CADM2: variants seen among roughly 807,000 people sequenced by gnomAD.
CADM2 encodes the protein immunoglobulin superfamily member 4D.
Under a neutral mutation model 49.8 loss-of-function variants are expected in CADM2, and 12 were observed. The ratio of observed to expected loss-of-function variants is 0.24; its 90% CI spans 0.15 to 0.39. The LOEUF (loss-of-function observed/expected upper bound fraction) is 0.39. CADM2 is among the 10% of genes least tolerant of loss of function. The probability of loss-of-function intolerance (pLI) is 1.00; values close to 1 mark genes in which losing one functional copy is unlikely to be tolerated. For synonymous variants in CADM2, 214 were observed against 175.4 expected, an observed-to-expected ratio of 1.22 and a Z score of -1.74; for missense variants, 378 against 492.3, an observed-to-expected ratio of 0.77 and a Z score of 2.20.
intron 8 of CADM2, among the ~76,000 whole-genome samples, chr3:86,003,386 T>C (rs1031891083): frequency 6.6e-6 from 1 of 152,166 alleles, no homozygotes. Context: ...TAACCCCATG[T>C]CTTCTGCCAG....
chr3:86,000,736 G>T (rs1042977465), intron 8 of CADM2, among the ~76,000 whole-genome samples: 1 of 152,016 alleles, frequency 6.6e-6, no homozygotes, highest in African/African-American at 2.4e-5. Context: ...ACCAATAAGG[G>T]TAGAATGCCG....
intron 1 of CADM2, among the ~76,000 whole-genome samples, chr3:85,430,530 T>C (rs773053962): frequency 8.3e-5 from 12 of 144,050 alleles, no homozygotes; most frequent in African/African-American, 1.3e-4. Flanking sequence ...AAAATAATAA[T>C]AATATTGGAA....
intron 1 of CADM2, among the ~76,000 whole-genome samples, chr3:85,440,236 T>G (rs2037136769): frequency 1.3e-5 from 2 of 152,142 alleles, no homozygotes; most frequent in Non-Finnish European, 2.9e-5. Flanking sequence ...TTTTTTAATT[T>G]TAGTCATAAT....
At chr3:85,413,426 ATCTCT>A (rs1176703517) in intron 1 of CADM2, among the ~76,000 whole-genome samples, 15 of 152,018 alleles carry the variant, frequency 9.9e-5, no homozygotes, top group African/African-American at 3.6e-4. Context: ...ATATGTACTG[ATCTCT>A]TCTCATACTG....
At chr3:85,123,073 T>A (rs1376464178) in intron 1 of CADM2, among the ~76,000 whole-genome samples, 2 of 152,164 alleles carry the variant, frequency 1.3e-5, no homozygotes, top group Non-Finnish European at 2.9e-5. Context: ...TTATGTTCCA[T>A]CAAACTTAAC....
At chr3:85,427,931 A>G (rs1418144815) in intron 1 of CADM2, among the ~76,000 whole-genome samples, 1 of 152,138 alleles carries the variant, frequency 6.6e-6, no homozygotes, top group Non-Finnish European at 1.5e-5. Flanking sequence ...ATGGAATTGA[A>G]TGACTTGTGA....
chr3:85,461,541 G>A (rs1326012895), intron 1 of CADM2, among the ~76,000 whole-genome samples: 3 of 152,094 alleles, frequency 2.0e-5, no homozygotes, highest in Non-Finnish European at 4.4e-5. Context: ...TCATAACTCA[G>A]GAGGAAAAAG....
intron 2 of CADM2, among the ~76,000 whole-genome samples, chr3:85,740,217 A>C (rs554196974): frequency 4.9e-4 from 74 of 152,314 alleles, no homozygotes; most frequent in South Asian, 1.0e-3. Context: ...ATATCTGTAC[A>C]CAGAGTGTAC....
chr3:85,436,955 T>A (rs940930899), intron 1 of CADM2, among the ~76,000 whole-genome samples: 12 of 152,196 alleles, frequency 7.9e-5, no homozygotes, highest in African/African-American at 2.9e-4. Flanking sequence ...CATTATAGTA[T>A]CATACAGAAC....
chr3:85,721,985 G>A (rs549448422), intron 1 of CADM2, among the ~76,000 whole-genome samples: 2 of 152,210 alleles, frequency 1.3e-5, no homozygotes, highest in African/African-American at 2.4e-5. Flanking sequence ...GGAGGCCCTG[G>A]AGTGGGTAGT....
At chr3:85,379,442 T>A (rs994019590) in intron 1 of CADM2, among the ~76,000 whole-genome samples, 2 of 152,008 alleles carry the variant, frequency 1.3e-5, no homozygotes, top group African/African-American at 4.8e-5. Flanking sequence ...TCATTTCCCT[T>A]TAGAAGCTGA....
intron 1 of CADM2, among the ~76,000 whole-genome samples, chr3:85,528,973 T>A (rs1452153163): frequency 6.6e-6 from 1 of 152,192 alleles, no homozygotes; most frequent in Non-Finnish European, 1.5e-5. Context: ...TATTAAACAA[T>A]TTTTAGGAGT....
chr3:85,964,392 C>T (rs1303179634), intron 8 of CADM2, among the ~76,000 whole-genome samples: 1 of 151,600 alleles, frequency 6.6e-6, no homozygotes, highest in African/African-American at 2.4e-5. Flanking sequence ...GAGTTCTGAG[C>T]ACTTTCCTGT....
intron 1 of CADM2, among the ~76,000 whole-genome samples, chr3:85,443,748 G>A (rs545320889): frequency 2.2e-4 from 33 of 150,320 alleles, no homozygotes; most frequent in South Asian, 1.7e-3. Flanking sequence ...TTGTGACTGT[G>A]GAATATTCTG....
intron 8 of CADM2, among the ~76,000 whole-genome samples, chr3:86,036,535 G>T (rs141341929): frequency 6.6e-6 from 1 of 152,038 alleles, no homozygotes; most frequent in East Asian, 1.9e-4. Context: ...CTCTCTCCAA[G>T]GTGTTGGACT....
At chr3:85,204,601 C>T (rs2041586659) in intron 1 of CADM2, among the ~76,000 whole-genome samples, 1 of 152,084 alleles carries the variant, frequency 6.6e-6, no homozygotes, top group South Asian at 2.1e-4. Context: ...TCCTTGCCCC[C>T]TCAGACTAAA....
chr3:85,306,597 C>A (rs1346459819), intron 1 of CADM2, among the ~76,000 whole-genome samples: 1 of 151,598 alleles, frequency 6.6e-6, no homozygotes, highest in Non-Finnish European at 1.5e-5. Context: ...ATGTTTCTGC[C>A]TCAACAATAT....
chr3:84,987,355 G>A (rs547556431), intron 1 of CADM2, among the ~76,000 whole-genome samples: 4 of 152,128 alleles, frequency 2.6e-5, no homozygotes, highest in African/African-American at 9.6e-5. Flanking sequence ...TTGTTTTGTT[G>A]TGCAATGCAA....
chr3:85,907,910 CAAA>C (rs1257950513), intron 5 of CADM2, among the ~76,000 whole-genome samples: 2 of 105,726 alleles, frequency 1.9e-5, no homozygotes. Flanking sequence ...GACTCTGTCT[CAAA>C]AAAAAAAAAA....
Sources: gnomAD v4.1 joint callset for allele counts (sites outside exome capture counted in the v4.1 genomes callset) on GRCh38, gnomAD v4.1.1 for gene constraint, MANE v1.5 for transcripts, NCBI Gene and HGNC (gene_info 2026-07-23, HGNC 2026-07-21) for gene names.